The following XKR4 variants were observed in gnomAD, a reference collection of about 807,000 sequenced individuals.
The protein encoded by XKR4 is XK-related protein 4.
A neutral mutation model predicts 53.9 loss-of-function variants in XKR4; 12 were observed. That is an observed-to-expected ratio of 0.22 (90% confidence interval 0.14 to 0.36). The LOEUF (loss-of-function observed/expected upper bound fraction) is 0.36. Ranked by LOEUF, XKR4 falls within the 10% of genes least tolerant of loss-of-function variation. The pLI, the probability that XKR4 is intolerant of heterozygous loss-of-function variation, is 1.00. For synonymous variants in XKR4, 354 were observed against 362.4 expected, an observed-to-expected ratio of 0.98 and a Z score of 0.26; for missense variants, 799 against 859.5, an observed-to-expected ratio of 0.93 and a Z score of 0.88.
At chr8:55,352,406 G>C (rs1229844818) in intron 1 of XKR4, among the ~76,000 whole-genome samples, 2 of 152,184 alleles carry the variant, frequency 1.3e-5, no homozygotes, top group Non-Finnish European at 2.9e-5. Flanking sequence ...TAGGAAGAAA[G>C]GTTAAAACTA....
chr8:55,390,526 C>T (rs2658945), intron 2 of XKR4, among the ~76,000 whole-genome samples: 101,782 of 152,088 alleles, frequency 0.67, 34,742 homozygotes, highest in African/African-American at 0.8. Flanking sequence ...CCTGTAAAAC[C>T]GACTCTTAGT....
intron 1 of XKR4, among the ~76,000 whole-genome samples, chr8:55,314,276 ATGT>A (rs951953157): frequency 1.3e-5 from 2 of 152,158 alleles, no homozygotes; most frequent in African/African-American, 2.4e-5. Flanking sequence ...TAGGTCAGGG[ATGT>A]TGTTCCCTGT....
Position 55,441,264 on chromosome 8 carries a change from T to C in XKR4, c.1007-82017T>C, listed in dbSNP as rs150920331. On this transcript the variant is annotated intron_variant, in intron 2 of 2. Coordinates refer to ENST00000327381, the MANE Select transcript of XKR4 (RefSeq NM_052898.2). ...CAAGAAAAAACATAAAAAAATAAAG[T>C]ACAGCACATTGTCAGTGATAGAAGG... Among the ~76,000 whole-genome samples, 647 of 151,560 alleles carry C rather than the reference T, an allele frequency of 4.3e-3. 2 individuals are homozygous for C. The highest frequency in any genetic ancestry group is 0.015 in the African/African-American group (631 of 41,360).
intron 1 of XKR4, among the ~76,000 whole-genome samples, chr8:55,249,743 A>T (rs891989666): frequency 2.0e-5 from 3 of 152,232 alleles, no homozygotes; most frequent in Admixed American, 1.3e-4. Context: ...TGAGGTAGCC[A>T]TACTCAAATT....
intron 2 of XKR4, among the ~76,000 whole-genome samples, chr8:55,363,005 A>G (rs1377593213): frequency 1.3e-5 from 2 of 152,238 alleles, no homozygotes; most frequent in African/African-American, 2.4e-5. Flanking sequence ...TGCGGAAATA[A>G]TGCTTCCTTG....
chr8:55,169,544 T>A (rs1057025480), intron 1 of XKR4, among the ~76,000 whole-genome samples: 3 of 152,226 alleles, frequency 2.0e-5, no homozygotes, highest in African/African-American at 7.2e-5. Flanking sequence ...CAGCATCTTA[T>A]CCTGGATTAT....
chr8:55,275,427 CTT>C (rs1198871261), intron 1 of XKR4, among the ~76,000 whole-genome samples: 1 of 152,124 alleles, frequency 6.6e-6, no homozygotes, highest in African/African-American at 2.4e-5. Context: ...ACATGGATAT[CTT>C]TGACTCCTCC....
At chr8:55,483,846 A>G (rs866633009) in intron 2 of XKR4, among the ~76,000 whole-genome samples, 2 of 152,258 alleles carry the variant, frequency 1.3e-5, no homozygotes, top group African/African-American at 2.4e-5. Context: ...GAAGACAGCA[A>G]TGTAAGTGAA....
At chr8:55,152,523 T>C (rs1312728871) in intron 1 of XKR4, among the ~76,000 whole-genome samples, 1 of 152,200 alleles carries the variant, frequency 6.6e-6, no homozygotes, top group Non-Finnish European at 1.5e-5. Context: ...TGGTCAGTCA[T>C]TTACATTCTA....
intron 1 of XKR4, among the ~76,000 whole-genome samples, chr8:55,112,004 C>T (rs1816239151): frequency 6.6e-6 from 1 of 152,164 alleles, no homozygotes; most frequent in South Asian, 2.1e-4. Flanking sequence ...ATTGCATTAG[C>T]CTTCCCTGAG....
At chr8:55,228,230 G>T (rs1817983701) in intron 1 of XKR4, among the ~76,000 whole-genome samples, 1 of 152,110 alleles carries the variant, frequency 6.6e-6, no homozygotes, top group African/African-American at 2.4e-5. Flanking sequence ...ACTGTTTTTA[G>T]CAGAGCTGCC....
intron 1 of XKR4, among the ~76,000 whole-genome samples, chr8:55,191,957 AAT>A (rs1476876507): frequency 6.6e-6 from 1 of 151,582 alleles, no homozygotes. Flanking sequence ...GTGATGACGT[AAT>A]GACTTGCTCA....
At chr8:55,187,313 A>G (rs1026228276) in intron 1 of XKR4, among the ~76,000 whole-genome samples, 1 of 151,416 alleles carries the variant, frequency 6.6e-6, no homozygotes, top group Non-Finnish European at 1.5e-5. Flanking sequence ...ACCAAAAAAA[A>G]AAAAAAAAAA....
chr8:55,531,351 G>C lies in XKR4; in HGVS notation c.*7124G>C, dbSNP rs1201876007. The C allele has an allele frequency of 6.6e-6, 1 of 152,114 alleles. No homozygotes were observed. Among genetic ancestry groups the C allele is most frequent in the Non-Finnish European group, 1.5e-5 (1 of 68,022 alleles). 9.4% of individuals were successfully genotyped at this position (152,114 alleles called of 1,614,324 possible). ...TACTTGTGTATTTAAATATAGAAAA[G>C]TTAACAGTAAAAAATATAGTATTAT... On this transcript the variant is annotated 3_prime_UTR_variant, in exon 3 of 3. Coordinates refer to ENST00000327381, the MANE Select transcript of XKR4 (RefSeq NM_052898.2).
At chr8:55,253,736 T>TC (rs200509608) in intron 1 of XKR4, among the ~76,000 whole-genome samples, 35,785 of 147,274 alleles carry the variant, frequency 0.24, 4,762 homozygotes, top group East Asian at 0.49. Flanking sequence ...CTTTTCTTTT[T>TC]TTTTTTTTTT....
chr8:55,112,679 A>G (rs1365421503), intron 1 of XKR4, among the ~76,000 whole-genome samples: 1 of 141,452 alleles, frequency 7.1e-6, no homozygotes, highest in Non-Finnish European at 1.5e-5. Context: ...TCATTAGTTC[A>G]TGGCATAGTC....
intron 1 of XKR4, among the ~76,000 whole-genome samples, chr8:55,270,280 C>A (rs1171735895): frequency 6.6e-6 from 1 of 152,202 alleles, no homozygotes; most frequent in South Asian, 2.1e-4. Context: ...ACTGCTATGA[C>A]TCACTGTCTT....
chr8:55,128,628 T>C (rs772172393), intron 1 of XKR4, among the ~76,000 whole-genome samples: 2 of 152,170 alleles, frequency 1.3e-5, no homozygotes, highest in Non-Finnish European at 2.9e-5. Context: ...GAGTCTGTCT[T>C]GGATGACTGT....
At chr8:55,355,789 A>G (rs1803789749) in intron 1 of XKR4, among the ~76,000 whole-genome samples, 1 of 152,150 alleles carries the variant, frequency 6.6e-6, no homozygotes, top group Non-Finnish European at 1.5e-5. Context: ...TATCCATCCA[A>G]CCTAAGCTTT....
Sources: gnomAD v4.1 joint callset for allele counts (sites outside exome capture counted in the v4.1 genomes callset) on GRCh38, gnomAD v4.1.1 for gene constraint, MANE v1.5 for transcripts, NCBI Gene and HGNC (gene_info 2026-07-23, HGNC 2026-07-21) for gene names.